Variants in BICC1 observed in about 807,000 individuals in gnomAD.
BICC1 encodes protein bicaudal C homolog 1.
Under a neutral mutation model 111.0 loss-of-function variants are expected in BICC1, and 43 were observed. The observed-to-expected ratio is 0.39, with a 90% CI of 0.30 to 0.50. The LOEUF (loss-of-function observed/expected upper bound fraction) is 0.50, where lower values mean the gene tolerates loss of function less well. Ranked by LOEUF, BICC1 falls within the 20% of genes least tolerant of loss-of-function variation. The pLI is 0.88. For missense variants in BICC1, 1,091 were observed against 1,203.2 expected (o/e 0.91, Z 1.38); for synonymous variants, 467 against 434.4 (o/e 1.07, Z -0.93).
intron 1 of BICC1, among the ~76,000 whole-genome samples, chr10:58,551,319 A>T (rs560442150): frequency 2.3e-4 from 35 of 152,316 alleles, no homozygotes; most frequent in Admixed American, 2.3e-3. Context: ...GCTGAACTTT[A>T]TACCTTTAAG....
chr10:58,580,027 A>ATTT (rs67834722), intron 1 of BICC1, among the ~76,000 whole-genome samples: 3 of 144,544 alleles, frequency 2.1e-5, no homozygotes, highest in African/African-American at 2.6e-5. Context: ...CCTCTTAGCA[A>ATTT]TTTTTTTTTT....
Position 58,803,301 on chromosome 10 carries a change from A to C in BICC1, c.2181+59A>C, listed in dbSNP as rs990153225. 1.2e-4 allele frequency: 183 copies of C among 1,464,972 alleles called. No homozygotes were observed. In the Admixed American group the frequency reaches 1.4e-3, roughly 11 times the overall value. 90.7% of individuals were successfully genotyped at this position (1,464,972 alleles called of 1,614,324 possible). Reference sequence around the variant, plus strand: ...GTCATATGTTTGGGTTCTGGTATGGAGAATTCAGTGAGTGTTCAGCAGTAG... The same window carrying C: ...GTCATATGTTTGGGTTCTGGTATGGCGAATTCAGTGAGTGTTCAGCAGTAG... On this transcript the variant is annotated intron_variant, in intron 15 of 20. Coordinates refer to ENST00000373886, the MANE Select transcript of BICC1 (RefSeq NM_001080512.3).
intron 2 of BICC1, among the ~76,000 whole-genome samples, chr10:58,639,465 G>T (rs1308476582): frequency 1.3e-5 from 2 of 150,194 alleles, no homozygotes; most frequent in East Asian, 3.9e-4. Flanking sequence ...TGCAATCTCG[G>T]CTCACTGCAA....
At chr10:58,701,490 A>C (rs1564562977) in intron 2 of BICC1, among the ~76,000 whole-genome samples, 1 of 152,184 alleles carries the variant, frequency 6.6e-6, no homozygotes, top group Non-Finnish European at 1.5e-5. Flanking sequence ...GCAAGTGGGA[A>C]GGACCTTTGG....
At chr10:58,544,648 C>T (rs1345524051) in intron 1 of BICC1, among the ~76,000 whole-genome samples, 1 of 152,102 alleles carries the variant, frequency 6.6e-6, no homozygotes, top group Non-Finnish European at 1.5e-5. Flanking sequence ...TATATACATA[C>T]ATATATGCAA....
chr10:58,609,032 G>C (rs915390722), intron 1 of BICC1, among the ~76,000 whole-genome samples: 3 of 152,078 alleles, frequency 2.0e-5, no homozygotes, highest in Admixed American at 6.5e-5. Flanking sequence ...GAACACATTT[G>C]GTTCTGATTT....
chr10:58,729,901 A>T (rs757187861), intron 3 of BICC1, among the ~76,000 whole-genome samples: 1 of 152,202 alleles, frequency 6.6e-6, no homozygotes, highest in Non-Finnish European at 1.5e-5. Flanking sequence ...GGAGATTACA[A>T]TTCAACATGA....
At chr10:58,610,478 A>G (rs180896953) in intron 1 of BICC1, among the ~76,000 whole-genome samples, 2 of 152,126 alleles carry the variant, frequency 1.3e-5, no homozygotes, top group Admixed American at 1.3e-4. Context: ...CTCCATCATA[A>G]TCTTTCTAAT....
chr10:58,777,354 G>A (rs1250403862), intron 3 of BICC1, among the ~76,000 whole-genome samples: 3 of 151,972 alleles, frequency 2.0e-5, no homozygotes, highest in South Asian at 2.1e-4. Flanking sequence ...TAATAGCCCA[G>A]CATCCTTGTA....
At chr10:58,537,994 C>T (rs916874671) in intron 1 of BICC1, among the ~76,000 whole-genome samples, 9 of 151,678 alleles carry the variant, frequency 5.9e-5, no homozygotes, top group African/African-American at 1.9e-4. Context: ...TGGAAATACA[C>T]CTTATGCTCA....
intron 2 of BICC1, among the ~76,000 whole-genome samples, chr10:58,649,245 A>G (rs558825118): frequency 3.9e-5 from 6 of 152,310 alleles, no homozygotes; most frequent in African/African-American, 1.2e-4. Flanking sequence ...CCCTGGTTGC[A>G]CAACTGCTTA....
In BICC1 at chr10:58,718,294, G is replaced by A. The variant is rs372666744; in HGVS notation, c.307+16151G>A. On this transcript the variant is annotated intron_variant, in intron 3 of 20. Transcript: ENST00000373886. ...CTTCTATGTCTTCACATGGTAGAAG[G>A]GGCAAAAAACCTCCCTCACATCACT... 3.3e-5 allele frequency among the ~76,000 whole-genome samples: 5 copies of A among 152,114 alleles called. No individual in the cohort carries two copies. In the East Asian group the frequency reaches 9.7e-4, roughly 29 times the overall value.
intron 10 of BICC1, among the ~76,000 whole-genome samples, chr10:58,797,762 C>G (rs1020238424): frequency 4.0e-5 from 6 of 151,794 alleles, no homozygotes; most frequent in Non-Finnish European, 5.9e-5. Flanking sequence ...TTTTAAATGC[C>G]CAAAGGAAAA....
intron 1 of BICC1, among the ~76,000 whole-genome samples, chr10:58,549,591 C>CTTCTTTG (rs1297001921): frequency 2.0e-5 from 3 of 147,628 alleles, no homozygotes; most frequent in Admixed American, 6.8e-5. Context: ...ATCTATGTAT[C>CTTCTTTG]TTCTTTGGTG....
intron 2 of BICC1, among the ~76,000 whole-genome samples, chr10:58,623,081 C>A (rs1845875794): frequency 6.6e-6 from 1 of 152,076 alleles, no homozygotes. Context: ...TAGTGCCTCT[C>A]CCTATGTAGA....
intron 2 of BICC1, among the ~76,000 whole-genome samples, chr10:58,690,585 A>G (rs944949793): frequency 2.6e-5 from 4 of 152,166 alleles, no homozygotes; most frequent in African/African-American, 2.4e-5. Context: ...CCTCCTTTCA[A>G]TATTTACTCT....
chr10:58,721,142 C>T (rs945546497), intron 3 of BICC1, among the ~76,000 whole-genome samples: 2 of 152,208 alleles, frequency 1.3e-5, no homozygotes, highest in Non-Finnish European at 1.5e-5. Context: ...CCCTTCTCTT[C>T]GTGGGACAAT....
intron 3 of BICC1, among the ~76,000 whole-genome samples, chr10:58,780,898 A>T (rs1006482245): frequency 6.6e-6 from 1 of 152,166 alleles, no homozygotes; most frequent in South Asian, 2.1e-4. Flanking sequence ...TCCTTACGAC[A>T]ATTGTTGCCT....
At chr10:58,638,747 C>T (rs765512661) in intron 2 of BICC1, among the ~76,000 whole-genome samples, 7 of 152,132 alleles carry the variant, frequency 4.6e-5, no homozygotes, top group Non-Finnish European at 1.0e-4. Flanking sequence ...GAGATAGTCC[C>T]GGCACTGGGT....
Sources: gnomAD v4.1 joint callset for allele counts (sites outside exome capture counted in the v4.1 genomes callset) on GRCh38, gnomAD v4.1.1 for gene constraint, MANE v1.5 for transcripts, NCBI Gene and HGNC (gene_info 2026-07-23, HGNC 2026-07-21) for gene names.